The following ETNK2 variants were observed in gnomAD, a reference collection of about 807,000 sequenced individuals.
ETNK2 encodes ethanolamine kinase 2, also known as ethanolamine kinase-like protein.
In ETNK2, 33 loss-of-function variants were observed where a neutral mutation model predicts 46.2. That is an observed-to-expected ratio of 0.71 (90% CI 0.54 to 0.96). The LOEUF is 0.96. Among genes scored for constraint, ETNK2 ranks in the 40% least tolerant of loss-of-function variants. The probability of loss-of-function intolerance (pLI) is 0.00; values close to 1 mark genes in which losing one functional copy is unlikely to be tolerated. For synonymous variants in ETNK2, 194 were observed against 209.0 expected (o/e 0.93, Z 0.62); for missense variants, 445 against 509.7 (o/e 0.87, Z 1.22).
chr1:204,149,571 A>T (rs1020461177), intron 2 of ETNK2, 132 bp downstream of exon 2: 18 of 1,165,304 alleles, frequency 1.5e-5, no homozygotes, highest in African/African-American at 3.1e-5. Context: ...ATGCATATAA[A>T]CATGCATTTT....
At chr1:204,146,528 G>A in intron 3 of ETNK2, 114 bp downstream of exon 3, 2 of 1,273,088 alleles carry the variant, frequency 1.6e-6, no homozygotes, top group South Asian at 1.4e-5. Context: ...AAACTCCCCA[G>A]CCTCCTCCCC....
At chr1:204,147,088 A>G in intron 2 of ETNK2, 1 of 458,792 alleles carries the variant, frequency 2.2e-6, no homozygotes, top group East Asian at 5.6e-5. Flanking sequence ...ACCCATAGCA[A>G]CTCCTGAGAA....
intron 3 of ETNK2, among the ~76,000 whole-genome samples, chr1:204,145,581 A>C (rs894000143): frequency 6.6e-6 from 1 of 152,248 alleles, no homozygotes; most frequent in Non-Finnish European, 1.5e-5. Context: ...GGCCTGGGCC[A>C]CCTTGGACAA....
At position 204,146,723 on chromosome 1, in the gene ETNK2, G is replaced by C. The variant is rs1558237492; in HGVS notation, c.560C>G (p.Ala187Gly). ...GATGGGCTTGGGCAGGCTGCCGTTGGCGTGGATAGTATGAATCTTTGCCAT... is the reference window on the plus strand; with the variant it reads ...GATGGGCTTGGGCAGGCTGCCGTTGCCGTGGATAGTATGAATCTTTGCCAT... ...LEMAKIHTIH[A>G]NGSLPKPILW... The change falls in exon 3 of 8, where the codon GCC (alanine) becomes GGC (glycine). Residue 187 changes from alanine to glycine, a missense_variant. By Grantham distance (60) the Ala-to-Gly change is moderately conservative (BLOSUM62 0). Transcript: ENST00000367202. 6.2e-7 allele frequency: 1 copy of C among 1,614,032 alleles called. No homozygotes were observed. The highest frequency in any genetic ancestry group is 1.7e-5 in the Admixed American group (1 of 60,030).
At chr1:204,149,482 TTCA>T in intron 2 of ETNK2, among the ~76,000 whole-genome samples, 1 of 152,334 alleles carries the variant, frequency 6.6e-6, no homozygotes, top group East Asian at 1.9e-4. Flanking sequence ...TGCTCCCATG[TTCA>T]TCACAATTCT....
chr1:204,149,484 C>G (rs1657915577), intron 2 of ETNK2, among the ~76,000 whole-genome samples: 1 of 152,194 alleles, frequency 6.6e-6, no homozygotes, highest in Non-Finnish European at 1.5e-5. Flanking sequence ...CTCCCATGTT[C>G]ATCACAATTC....
At chr1:204,138,905 C>T (rs1657390105) in intron 5 of ETNK2, 1 of 152,180 alleles carries the variant, frequency 6.6e-6, no homozygotes, top group Non-Finnish European at 1.5e-5. Context: ...CACCTGCCTA[C>T]CCCTAGGAAT....
Position 204,132,106 on chromosome 1 carries a change from G to T in ETNK2, c.*78C>A. 8.5e-7 allele frequency: 1 copy of T among 1,170,438 alleles called. No individual in the cohort carries two copies. Among genetic ancestry groups the T allele is most frequent in the Non-Finnish European group, 1.2e-6 (1 of 800,806 alleles). 72.5% of individuals were successfully genotyped at this position (1,170,438 alleles called of 1,614,324 possible). ...CCTCTCCCACCCTGTCCAAGGGTGT[G>T]GATCCCAGAGTGCAGAATTGAGCTC... On this transcript the variant is annotated 3_prime_UTR_variant, in exon 8 of 8. Coordinates refer to ENST00000367202, the MANE Select transcript of ETNK2 (RefSeq NM_018208.4).
chr1:204,146,835 C>A (rs1484245694), intron 2 of ETNK2, 71 bp from the exon 3 acceptor site: 3 of 1,594,028 alleles, frequency 1.9e-6, no homozygotes, highest in Non-Finnish European at 2.6e-6. Context: ...TTCCTCCTGG[C>A]CAGATAGGGA....
intron 3 of ETNK2, among the ~76,000 whole-genome samples, chr1:204,144,838 T>A (rs1202925919): frequency 6.6e-6 from 1 of 152,114 alleles, no homozygotes; most frequent in African/African-American, 2.4e-5. Flanking sequence ...CCCTGCTTAT[T>A]TCTGCCATGC....
In ETNK2 at chr1:204,133,383, G is replaced by A. The variant is rs969938228; in HGVS notation, c.1089-1127C>T. Among the ~76,000 whole-genome samples the A allele has an allele frequency of 4.6e-5, 7 of 151,996 alleles. No individual in the cohort carries two copies. The South Asian group carries it at 1.2e-3, about 27-fold the overall frequency. On this transcript the variant is annotated intron_variant, in intron 7 of 7. Transcript: ENST00000367202. ...TACATTCCTACCAATGGTGCAGAAA[G>A]GTTCCAATTCCTGCATATCCTTACC...
chr1:204,140,941 G>T, intron 4 of ETNK2: 1 of 345,512 alleles, frequency 2.9e-6, no homozygotes, highest in South Asian at 2.3e-5. Flanking sequence ...TCCTGCCTCA[G>T]CCTCCCGAGG....
In ETNK2 at chr1:204,151,833, G is replaced by T; in HGVS notation, c.20C>A (p.Ala7Asp). Residue 7 changes from alanine to aspartate, a missense_variant, in exon 1 of 8, where the codon GCC becomes GAC. Ala to Asp is a moderately radical substitution (Grantham distance 126). Transcript: ENST00000367202. The surrounding 1 kb of genome is among the most constrained non-coding windows in gnomAD (Gnocchi z 8.0). The part of the protein sequence containing the change: MAVPPS[A>D]PQPRASFHLR... ...GTGAAAGGACGCGCGCGGCTGAGGG[G>T]CCGAAGGGGGCACAGCCATTCCCAG... 6.8e-7 allele frequency: 1 copy of T among 1,467,366 alleles called. No homozygotes were observed. The highest frequency in any genetic ancestry group is 1.4e-5 in the South Asian group (1 of 69,980). The allele number at this position is 1,467,366 out of a possible 1,614,324, so 90.9% of individuals were successfully genotyped here. A position where few individuals can be genotyped will look rare whatever the true frequency, so the allele number is the denominator to read the frequency against.
rs1358052749 is a variant in ETNK2 at position 204,140,154 on chromosome 1, A to G, written c.785-36T>C. ...GAGGAGAATCGATGAGAGTTGGCCC[A>G]GGAGATCTGGCAACAGAGCCTGGTC... On this transcript the variant is annotated intron_variant, in intron 4 of 7. Coordinates refer to ENST00000367202, the MANE Select transcript of ETNK2 (RefSeq NM_018208.4). 10 of 1,577,118 alleles carry G rather than the reference A, an allele frequency of 6.3e-6. No individual in the cohort carries two copies. The East Asian group carries it at 2.2e-4, about 35-fold the overall frequency.
chr1:204,141,725 G>A (rs1234913296), intron 3 of ETNK2: 3 of 458,880 alleles, frequency 6.5e-6, no homozygotes, highest in East Asian at 3.9e-5. Flanking sequence ...ACTGACTGAG[G>A]GCATCCCTGC....
intron 2 of ETNK2, 59 bp downstream of exon 2, chr1:204,149,644 G>T: frequency 6.6e-7 from 1 of 1,510,106 alleles, no homozygotes; most frequent in South Asian, 1.3e-5. Context: ...ACATGCCAAG[G>T]ATTTCCAAGC....
intron 6 of ETNK2, among the ~76,000 whole-genome samples, chr1:204,135,465 G>A (rs1407464382): frequency 3.3e-5 from 5 of 152,166 alleles, no homozygotes; most frequent in African/African-American, 1.2e-4. Context: ...GGGAGCTGCG[G>A]TTCCCGTCTA....
intron 5 of ETNK2, among the ~76,000 whole-genome samples, chr1:204,139,661 A>G (rs564253514): frequency 6.6e-6 from 1 of 152,322 alleles, no homozygotes; most frequent in Non-Finnish European, 1.5e-5. Context: ...TTGGTCAAAT[A>G]TAGTCCTGTA....
In ETNK2 at chr1:204,134,393, G is replaced by A. The variant is rs1232301124; in HGVS notation, c.1088+122C>T. 4.7e-5 allele frequency: 51 copies of A among 1,092,516 alleles called. 1 individual carries two copies. Among genetic ancestry groups the A allele is most frequent in the Non-Finnish European group, 6.5e-5 (50 of 764,072 alleles). 67.7% of individuals were successfully genotyped at this position (1,092,516 alleles called of 1,614,324 possible). A position where few individuals can be genotyped will look rare whatever the true frequency, so the allele number is the denominator to read the frequency against. ...CCGCTGGAGATGAGCTGGAACGGGG[G>A]CGAGTCAGCAGAGCAGGGGAGCGGA... On this transcript the variant is annotated intron_variant, in intron 7 of 7. Transcript: ENST00000367202.
Sources: gnomAD v4.1 joint callset for allele counts (sites outside exome capture counted in the v4.1 genomes callset) on GRCh38, gnomAD v4.1.1 for gene constraint, Gnocchi (gnomAD v3.1) non-coding constraint, MANE v1.5 for transcripts, NCBI Gene and HGNC (gene_info 2026-07-23, HGNC 2026-07-21) for gene names.